SPATA6L: variants seen among roughly 807,000 people sequenced by gnomAD.
The protein encoded by SPATA6L is spermatogenesis associated 6 like, also known as spermatogenesis associated 6-like protein.
Under a neutral mutation model 49.2 loss-of-function variants are expected in SPATA6L, and 68 were observed. That is an observed-to-expected ratio of 1.38 (90% CI 1.14 to 1.69). SPATA6L has a LOEUF of 1.69. Ranked by LOEUF, SPATA6L falls within the 40% of genes most tolerant of loss-of-function variation. The pLI is 0.00. For missense variants in SPATA6L, 668 were observed against 464.3 expected (o/e 1.44, Z -4.03); for synonymous variants, 198 against 165.7 (o/e 1.19, Z -1.50).
intron 3 of SPATA6L, among the ~76,000 whole-genome samples, 162 bp downstream of exon 3, chr9:4,655,879 G>A (rs562408146): frequency 6.6e-6 from 1 of 152,140 alleles, no homozygotes; most frequent in Non-Finnish European, 1.5e-5. Context: ...AAAAGGGTAT[G>A]TAACAGAATC....
At chr9:4,663,119 A>C in intron 1 of SPATA6L, 2 of 1,614,038 alleles carry the variant, frequency 1.2e-6, no homozygotes, top group Non-Finnish European at 1.7e-6. Context: ...TCTTGGGCCT[A>C]TCCAGGGTCA....
At chr9:4,613,684 A>G (rs1827303968) in intron 9 of SPATA6L, among the ~76,000 whole-genome samples, 1 of 152,036 alleles carries the variant, frequency 6.6e-6, no homozygotes, top group Non-Finnish European at 1.5e-5. Flanking sequence ...CCTATGTTCA[A>G]GCAATTCTCC....
At chr9:4,656,441 A>AAAGGAAGGAAGGAAGG (rs376151295) in intron 2 of SPATA6L, among the ~76,000 whole-genome samples, 2 of 113,938 alleles carry the variant, frequency 1.8e-5, no homozygotes, top group Admixed American at 9.1e-5. Context: ...CCTGTGAAAG[A>AAAGGAAGGAAGGAAGG]AAGGAAGGAA....
At chr9:4,639,061 A>T (rs1313148503) in intron 3 of SPATA6L, among the ~76,000 whole-genome samples, 1 of 152,166 alleles carries the variant, frequency 6.6e-6, no homozygotes, top group Non-Finnish European at 1.5e-5. Context: ...AAGAAAATGT[A>T]AAAACTGTCA....
chr9:4,658,945 G>T (rs1266870427), intron 2 of SPATA6L, among the ~76,000 whole-genome samples: 2 of 90,494 alleles, frequency 2.2e-5, no homozygotes, highest in African/African-American at 1.2e-4. Context: ...GCAACACTCT[G>T]TCTCCAAAAA....
chr9:4,589,612 T>G (rs143797289), intron 13 of SPATA6L, among the ~76,000 whole-genome samples: 11 of 152,358 alleles, frequency 7.2e-5, no homozygotes, highest in Non-Finnish European at 1.2e-4. Context: ...AGTCCTTTCC[T>G]ATGCCCTGAA....
intron 3 of SPATA6L, among the ~76,000 whole-genome samples, chr9:4,648,858 C>T (rs1403500614): frequency 6.6e-6 from 1 of 152,070 alleles, no homozygotes; most frequent in Admixed American, 6.6e-5. Flanking sequence ...CCCCAAAGTC[C>T]ATTATGTCAT....
chr9:4,647,004 A>G (rs886082413), intron 3 of SPATA6L, among the ~76,000 whole-genome samples: 25 of 152,106 alleles, frequency 1.6e-4, no homozygotes, highest in African/African-American at 5.8e-4. Context: ...TCTGTACAAC[A>G]AATCCCCATG....
chr9:4,654,872 GA>G (rs1837757009), intron 3 of SPATA6L, among the ~76,000 whole-genome samples: 1 of 152,148 alleles, frequency 6.6e-6, no homozygotes, highest in Admixed American at 6.5e-5. Context: ...ATTTGGGCGG[GA>G]AAGCAGGAGT....
downstream of SPATA6L, among the ~76,000 whole-genome samples, chr9:4,594,237 T>A (rs1473604268): frequency 6.6e-6 from 1 of 152,152 alleles, no homozygotes; most frequent in Admixed American, 6.5e-5. Context: ...TTTTTCGGAG[T>A]CTCGCTCTGT....
chr9:4,605,838 C>G (rs907487740), intron 9 of SPATA6L, among the ~76,000 whole-genome samples: 3 of 152,206 alleles, frequency 2.0e-5, no homozygotes, highest in African/African-American at 7.2e-5. Flanking sequence ...CAGCTCCGGT[C>G]TCCAGCTCCC....
chr9:4,602,427 C>T (rs754620486), intron 11 of SPATA6L, among the ~76,000 whole-genome samples: 176 of 152,252 alleles, frequency 1.2e-3, no homozygotes, highest in Admixed American at 2.1e-3. Context: ...AGCTGTCCTG[C>T]ACATTCCTCT....
rs771401055 is a variant in SPATA6L at position 4,661,851 on chromosome 9, C to G, written c.177+48G>C. ...AAGAACTCTGTTCTTTATAAGAACT[C>G]TCAGGTTATCTTCAGACAACAAAAG... On this transcript the variant is annotated intron_variant, in intron 2 of 11. Coordinates refer to ENST00000682582, the MANE Select transcript of SPATA6L (RefSeq NM_001353486.2). 1.0e-5 allele frequency: 16 copies of G among 1,601,756 alleles called. No homozygotes were observed. In the East Asian group the frequency reaches 3.4e-4, roughly 34 times the overall value.
intron 11 of SPATA6L, among the ~76,000 whole-genome samples, chr9:4,602,139 GTTT>G (rs201352107): frequency 1.7e-4 from 26 of 149,444 alleles, no homozygotes; most frequent in Non-Finnish European, 2.4e-4. Flanking sequence ...AAGAATTGAC[GTTT>G]TTTTTTTTTC....
Position 4,662,387 on chromosome 9 carries a change from C to G in SPATA6L, c.40-351G>C. ...GGCCGCCAGCTGCGATGCCAAGTCC[C>G]CGGAGGAGCATGGAGGGACGGCCGC... On this transcript the variant is annotated intron_variant, in intron 1 of 11. Coordinates refer to ENST00000682582, the MANE Select transcript of SPATA6L (RefSeq NM_001353486.2). The surrounding 1 kb of genome is among the most constrained non-coding windows in gnomAD (Gnocchi z 4.9). 6.5e-7 allele frequency: 1 copy of G among 1,529,370 alleles called. No individual in the cohort carries two copies. The highest frequency in any genetic ancestry group is 2.4e-5 in the East Asian group (1 of 41,162). The allele number at this position is 1,529,370 out of a possible 1,614,324, so 94.7% of individuals were successfully genotyped here.
intron 7 of SPATA6L, 119 bp downstream of exon 7, chr9:4,622,289 C>T (rs1025401494): frequency 1.5e-6 from 1 of 666,106 alleles, no homozygotes; most frequent in Non-Finnish European, 2.6e-6. Context: ...CTGGAGAGTA[C>T]TTGAGAATTA....
intron 3 of SPATA6L, chr9:4,646,635 A>T (rs1426894290): frequency 2.4e-6 from 1 of 417,122 alleles, no homozygotes; most frequent in Non-Finnish European, 3.8e-6. Context: ...TAATAATAAT[A>T]AAAATAATAA....
intron 2 of SPATA6L, 149 bp downstream of exon 2, chr9:4,661,750 C>CCGACTGCGGTTTTGCTTCAAGGG (rs145569269): frequency 2.1e-6 from 2 of 940,064 alleles, no homozygotes; most frequent in South Asian, 2.0e-5. Context: ...AGCAAGTGTT[C>CCGACTGCGGTTTTGCTTCAAGGG]CGACTGCGGT....
intron 5 of SPATA6L, chr9:4,626,321 G>T (rs1226518966): frequency 8.3e-7 from 1 of 1,206,892 alleles, no homozygotes; most frequent in Non-Finnish European, 1.1e-6. Flanking sequence ...CCCCTGTTCA[G>T]ATTTGAGTCT....
Sources: gnomAD v4.1 joint callset for allele counts (sites outside exome capture counted in the v4.1 genomes callset) on GRCh38, gnomAD v4.1.1 for gene constraint, Gnocchi (gnomAD v3.1) non-coding constraint, MANE v1.5 for transcripts, NCBI Gene and HGNC (gene_info 2026-07-23, HGNC 2026-07-21) for gene names.